Variants in PSG5 observed in about 807,000 individuals in gnomAD.
The protein encoded by PSG5 is pregnancy specific beta-1-glycoprotein 5.
A neutral mutation model predicts 37.7 loss-of-function variants in PSG5; 53 were observed. The ratio of observed to expected loss-of-function variants is 1.41; its 90% CI spans 1.13 to 1.77. The LOEUF is 1.77. PSG5 is among the 40% of genes most tolerant of loss of function. The pLI, the probability that PSG5 is intolerant of heterozygous loss-of-function variation, is 0.00. For synonymous variants in PSG5, 221 were observed against 155.4 expected, an observed-to-expected ratio of 1.42 and a Z score of -3.14; for missense variants, 547 against 405.2, an observed-to-expected ratio of 1.35 and a Z score of -3.00.
intron 2 of PSG5, chr19:43,183,462 G>T (rs373971517): frequency 1.9e-6 from 1 of 529,584 alleles, no homozygotes; most frequent in East Asian, 5.5e-5. Flanking sequence ...GGCCTGTGCT[G>T]GAGCAGGGTC....
rs147122461 is a variant in PSG5 at position 43,180,004 on chromosome 19, C to G, written c.431-3856G>C. 4.5e-3 allele frequency among the ~76,000 whole-genome samples: 684 copies of G among 151,872 alleles called. 22 individuals are homozygous for G. The highest frequency in any genetic ancestry group is 0.015 in the African/African-American group (634 of 41,306). ...GACTGTTGGAAAGGGTAATCATGAA[C>G]TGATGATGGAAGTCTGGCCCTCATG... On this transcript the variant is annotated intron_variant, in intron 2 of 5. Transcript: ENST00000342951.
chr19:43,171,289 G>T (rs1204102242), intron 4 of PSG5: 2 of 151,596 alleles, frequency 1.3e-5, no homozygotes, highest in African/African-American at 4.9e-5. Flanking sequence ...TTGTTTCATT[G>T]ATTGCATTAA....
At chr19:43,174,557 C>A in intron 4 of PSG5, 1 of 911,982 alleles carries the variant, frequency 1.1e-6, no homozygotes, top group Non-Finnish European at 1.3e-6. Context: ...ACGCAGGAGT[C>A]TTCCCTGAGG....
rs10420378 is a variant in PSG5 at position 43,183,554 on chromosome 19, G to A, written c.430+1228C>T. 2,346 of 496,586 alleles carry A rather than the reference G, an allele frequency of 4.7e-3. 102 individuals carry two copies. Among genetic ancestry groups the A allele is most frequent in the African/African-American group, 0.042 (2,082 of 49,842 alleles). 30.8% of individuals were successfully genotyped at this position (496,586 alleles called of 1,614,324 possible). ...GCACTTTGGGAAACACAGGATTTCA[G>A]GTTCAGTGATGGGGGTTAAGATCTG... is the stretch of plus-strand genomic sequence containing the variant. On this transcript the variant is annotated intron_variant, in intron 2 of 5. Coordinates refer to ENST00000342951, the MANE Select transcript of PSG5 (RefSeq NM_002781.4).
chr19:43,179,994 T>C (rs1047707710), intron 2 of PSG5, among the ~76,000 whole-genome samples: 2 of 151,738 alleles, frequency 1.3e-5, no homozygotes, highest in Non-Finnish European at 2.9e-5. Context: ...TTGGAAAGGG[T>C]AATCATGAAC....
intron 2 of PSG5, among the ~76,000 whole-genome samples, chr19:43,181,963 T>G (rs1479680900): frequency 1.3e-5 from 2 of 151,664 alleles, no homozygotes; most frequent in African/African-American, 4.9e-5. Flanking sequence ...CATTGGGGAC[T>G]GCAGGCCTGT....
At position 43,176,039 on chromosome 19, in the gene PSG5, C is replaced by A. The variant is rs773975598; in HGVS notation, c.540G>T (p.Trp180Cys). The A allele has an allele frequency of 1.2e-6, 2 of 1,611,092 alleles. No homozygotes were observed. Among genetic ancestry groups the A allele is most frequent in the Non-Finnish European group, 1.7e-6 (2 of 1,179,206 alleles). Reference protein sequence around the residue: ...EPKSENYTYIWWLNGQSLPVS... With the variant: ...EPKSENYTYICWLNGQSLPVS... ...CCGGGAGGCTCTGACCATTTAGCCA[C>A]CAAATGTAGGTGTAGTTCTCACTCT... The change falls in exon 3 of 6, where the codon TGG becomes TGT. Residue 180 changes from tryptophan (W) to cysteine (C), a missense_variant. Coordinates refer to ENST00000342951, the MANE Select transcript of PSG5 (RefSeq NM_002781.4).
chr19:43,186,064 C>T lies in PSG5; in HGVS notation c.64+278G>A, dbSNP rs1051207699. ...CTATCTCGGCTCGCTGCAACTTCTG[C>T]CTCCCGGGTTCATGTGATTTTCCTG... On this transcript the variant is annotated intron_variant, in intron 1 of 5. Transcript: ENST00000342951. Among the ~76,000 whole-genome samples, 5 of 151,116 alleles carry T rather than the reference C, an allele frequency of 3.3e-5. 1 individual carries two copies. The highest frequency in any genetic ancestry group is 7.4e-5 in the Non-Finnish European group (5 of 67,808).
At chr19:43,185,283 A>G in intron 1 of PSG5, 136 bp from the exon 2 acceptor site, 3 of 1,228,586 alleles carry the variant, frequency 2.4e-6, no homozygotes, top group Non-Finnish European at 3.4e-6. Context: ...CACACACACA[A>G]AAGGTGCATG....
intron 4 of PSG5, chr19:43,171,258 T>G (rs1158108826): frequency 6.6e-6 from 1 of 151,636 alleles, no homozygotes; most frequent in African/African-American, 2.4e-5. Context: ...GCAGCTGACA[T>G]TGGCTCCTCT....
chr19:43,170,461 CT>C, intron 4 of PSG5: 7 of 446,610 alleles, frequency 1.6e-5, no homozygotes, highest in East Asian at 6.0e-5. Flanking sequence ...ATGGTTGCAT[CT>C]TTTTCTCAGT....
At chr19:43,176,215 A>G (rs565212234) in intron 2 of PSG5, 67 bp from the exon 3 acceptor site, 3 of 1,579,840 alleles carry the variant, frequency 1.9e-6, no homozygotes, top group East Asian at 2.2e-5. Context: ...GCATCCTTCA[A>G]TCAGAGTTGG....
chr19:43,179,180 A>T lies in PSG5; in HGVS notation c.431-3032T>A, dbSNP rs564725722. 5.1e-6 allele frequency: 8 copies of T among 1,577,392 alleles called. No homozygotes were observed. In the African/African-American group the frequency reaches 5.4e-5, roughly 11 times the overall value. ...CCACTTTGCAGAAAACAGAGAGAAG[A>T]TTGCCCTGTGTGGCACCTTTGATTC... On this transcript the variant is annotated intron_variant, in intron 2 of 5. Coordinates refer to ENST00000342951, the MANE Select transcript of PSG5 (RefSeq NM_002781.4).
chr19:43,185,735 G>C (rs1966921642), intron 1 of PSG5, among the ~76,000 whole-genome samples: 1 of 151,580 alleles, frequency 6.6e-6, no homozygotes, highest in South Asian at 2.1e-4. Flanking sequence ...CACACCCTTG[G>C]TGTTTTATTT....
Position 43,184,900 on chromosome 19 carries a change from A to C in PSG5, c.312T>G (p.Asn104Lys), listed in dbSNP as rs774146501. ...AYTGRETVYS[N>K]ASLLIQNVTR... is the part of the protein sequence containing the mutation. Reference sequence around the variant, plus strand: ...TGACATTCTGGATCAGCAGGGATGCATTGGAATATACTGTTTCTCGTCCAG... The same window carrying C: ...TGACATTCTGGATCAGCAGGGATGCCTTGGAATATACTGTTTCTCGTCCAG... The change falls in exon 2 of 6, where the codon AAT (asparagine) becomes AAG (lysine). Residue 104 changes from asparagine to lysine, a missense_variant. By Grantham distance (94) the Asn-to-Lys change is moderately conservative (BLOSUM62 0). Coordinates refer to ENST00000342951, the MANE Select transcript of PSG5 (RefSeq NM_002781.4). The C allele has an allele frequency of 1.2e-6, 2 of 1,612,566 alleles. No homozygotes were observed. Among genetic ancestry groups the C allele is most frequent in the Non-Finnish European group, 1.7e-6 (2 of 1,179,164 alleles).
Position 43,186,365 on chromosome 19 carries a change from G to T in PSG5, c.41C>A (p.Thr14Asn), listed in dbSNP as rs529746069. ...ACCTGTGAGCAGGAGCCCCTTCCAGGTGATGTGCTGTGTGCAGGGAGGGGC... is the reference window on the plus strand; with the variant it reads ...ACCTGTGAGCAGGAGCCCCTTCCAGTTGATGTGCTGTGTGCAGGGAGGGGC... The part of the protein sequence containing the change: ...LSAPPCTQHI[T>N]WKGLLLTASL... Residue 14 changes from threonine (T) to asparagine (N), a missense_variant, in exon 1 of 6, where the codon ACC becomes AAC. Transcript: ENST00000342951. The T allele has an allele frequency of 2.0e-5, 33 of 1,612,288 alleles. 2 individuals carry two copies. In the East Asian group the frequency reaches 2.7e-4, roughly 13 times the overall value.
intron 1 of PSG5, 39 bp from the exon 2 acceptor site, chr19:43,185,186 G>C: frequency 6.5e-7 from 1 of 1,547,866 alleles, no homozygotes; most frequent in Non-Finnish European, 8.7e-7. Context: ...ATTGAGACCT[G>C]TGTATTGGGG....
intron 1 of PSG5, 79 bp downstream of exon 1, chr19:43,186,263 A>G: frequency 1.9e-6 from 3 of 1,598,194 alleles, no homozygotes; most frequent in Non-Finnish European, 2.6e-6. Context: ...TATTTTTTAG[A>G]ACCCCATCCT....
chr19:43,186,447 A>G lies in PSG5; in HGVS notation c.-42T>C. On this transcript the variant is annotated 5_prime_UTR_variant, in exon 1 of 6. Coordinates refer to ENST00000342951, the MANE Select transcript of PSG5 (RefSeq NM_002781.4). ...TGTTCTCCTCTGTGGAGCTGAGCCT[A>G]GGATCCAGAAACTTCCTGAGCACGG... The G allele has an allele frequency of 1.2e-6, 2 of 1,609,680 alleles. No individual in the cohort carries two copies. The highest frequency in any genetic ancestry group is 1.7e-6 in the Non-Finnish European group (2 of 1,177,408).
Sources: allele counts gnomAD v4.1 joint callset (sites outside exome capture counted in the v4.1 genomes callset), GRCh38; gene constraint gnomAD v4.1.1; transcripts MANE v1.5; gene names NCBI Gene and HGNC (gene_info 2026-07-23, HGNC 2026-07-21).